TACC1: variants seen among roughly 807,000 people sequenced by gnomAD.
TACC1 encodes transforming acidic coiled-coil containing protein 1.
TACC1 carries 48 observed loss-of-function variants against 84.4 expected under a neutral mutation model. The observed-to-expected ratio is 0.57, with a 90% confidence interval of 0.45 to 0.72. The LOEUF (loss-of-function observed/expected upper bound fraction) is 0.72, where lower values mean the gene tolerates loss of function less well. Ranked by LOEUF, TACC1 falls within the 30% of genes least tolerant of loss-of-function variation. The pLI is 0.00. For synonymous variants in TACC1, 372 were observed against 376.3 expected, an observed-to-expected ratio of 0.99 and a Z score of 0.13; for missense variants, 920 against 973.0, an observed-to-expected ratio of 0.95 and a Z score of 0.72.
intron 2 of TACC1, among the ~76,000 whole-genome samples, chr8:38,809,689 T>C (rs1268459729): frequency 1.3e-5 from 2 of 152,044 alleles, no homozygotes; most frequent in Non-Finnish European, 2.9e-5. Flanking sequence ...ACTCCTTTCT[T>C]TGGGGGCTGT....
At chr8:38,841,566 C>T (rs1831277000) in intron 9 of TACC1, among the ~76,000 whole-genome samples, 2 of 152,114 alleles carry the variant, frequency 1.3e-5, no homozygotes, top group Admixed American at 1.3e-4. Context: ...TTTAGGATTA[C>T]AAATAAATTT....
At chr8:38,761,870 T>C (rs891501107) in intron 3 of TACC1, among the ~76,000 whole-genome samples, 9 of 152,192 alleles carry the variant, frequency 5.9e-5, no homozygotes, top group African/African-American at 1.9e-4. Context: ...AAAAGAATTA[T>C]AGTATTTAAC....
At chr8:38,787,847 C>T (rs2151984091) in intron 1 of TACC1, 104 bp downstream of exon 1, 1 of 1,149,200 alleles carries the variant, frequency 8.7e-7, no homozygotes, top group South Asian at 1.7e-5. Context: ...AAACCGTCCT[C>T]ACGGCCGTGC....
intron 3 of TACC1, among the ~76,000 whole-genome samples, chr8:38,766,310 C>G (rs968736850): frequency 5.9e-5 from 9 of 152,162 alleles, no homozygotes; most frequent in Non-Finnish European, 1.2e-4. Context: ...TCTTATATGT[C>G]TGCTACATAT....
At chr8:38,819,402 G>A in intron 2 of TACC1, 120 bp from the exon 3 acceptor site, 1 of 1,160,944 alleles carries the variant, frequency 8.6e-7, no homozygotes, top group South Asian at 1.7e-5. Context: ...GAACTTTAGA[G>A]ATGCTTAATA....
At chr8:38,802,136 C>T (rs569807862) in intron 2 of TACC1, 3 of 152,282 alleles carry the variant, frequency 2.0e-5, no homozygotes, top group Non-Finnish European at 4.4e-5. Context: ...TTTCCAACTC[C>T]TGAGCTTAAG....
intron 3 of TACC1, among the ~76,000 whole-genome samples, chr8:38,821,210 A>AG (rs1826725800): frequency 1.3e-5 from 2 of 152,282 alleles, no homozygotes; most frequent in Middle Eastern, 6.8e-3. Context: ...CTCAAAAAAA[A>AG]AAAAAGAATG....
chr8:38,738,549 T>C (rs1303652446), intron 1 of TACC1, among the ~76,000 whole-genome samples: 2 of 152,222 alleles, frequency 1.3e-5, no homozygotes, highest in African/African-American at 2.4e-5. Context: ...GATTTATTAA[T>C]CTTGTTGCTC....
rs767913439 is a variant in TACC1, at chr8:38,836,190, C to T, written c.1742C>T (p.Ala581Val). 27 of 1,613,156 alleles carry T rather than the reference C, an allele frequency of 1.7e-5. No homozygotes were observed. In the Admixed American group the frequency reaches 2.3e-4, roughly 14 times the overall value. ...CTGCTGGAGTCCTCTGCAGAGAAGG[C>T]CCCTGTGTCGGTGTCCTGTGGAGGT... ...LGLLESSAEK[A>V]PVSVSCGGES... Residue 581 changes from alanine to valine, a missense_variant, in exon 7 of 13, where the codon GCC (alanine) becomes GTC (valine). This residue lies in a region of TACC1 where 762 missense variants were observed against 747.3 expected (regional missense o/e 1.02). Coordinates refer to ENST00000317827, the MANE Select transcript of TACC1 (RefSeq NM_006283.3).
At chr8:38,816,476 C>T (rs1035033459) in intron 2 of TACC1, among the ~76,000 whole-genome samples, 6 of 152,174 alleles carry the variant, frequency 3.9e-5, no homozygotes, top group Non-Finnish European at 8.8e-5. Flanking sequence ...GTCTCAGTCC[C>T]ACGAGACTGC....
intron 1 of TACC1, among the ~76,000 whole-genome samples, chr8:38,728,882 C>G (rs1272219819): frequency 6.6e-6 from 1 of 152,168 alleles, no homozygotes; most frequent in Non-Finnish European, 1.5e-5. Context: ...TCTCTGGAAC[C>G]ACGTATTTTG....
At chr8:38,840,396 C>T in intron 9 of TACC1, 129 bp downstream of exon 9, 1 of 789,338 alleles carries the variant, frequency 1.3e-6, no homozygotes, top group Non-Finnish European at 2.0e-6. Flanking sequence ...GCTCTGGAGA[C>T]AGGAGAGTTC....
chr8:38,846,615 C>G (rs1431812609), intron 11 of TACC1, 84 bp from the exon 12 acceptor site: 2 of 1,522,836 alleles, frequency 1.3e-6, no homozygotes, highest in Non-Finnish European at 1.8e-6. Context: ...TCACAGATGT[C>G]AGTGGTTAGT....
chr8:38,734,704 C>T (rs1391877602), intron 1 of TACC1, among the ~76,000 whole-genome samples: 2 of 152,262 alleles, frequency 1.3e-5, no homozygotes, highest in Admixed American at 6.5e-5. Flanking sequence ...TGCTGGCAGC[C>T]GAGGCTTTGC....
At chr8:38,813,271 C>G (rs1824653087) in intron 2 of TACC1, among the ~76,000 whole-genome samples, 1 of 152,288 alleles carries the variant, frequency 6.6e-6, no homozygotes, top group Non-Finnish European at 1.5e-5. Context: ...TAACTGAATT[C>G]ACAATCTCAG....
chr8:38,763,641 T>G (rs1225120468), intron 3 of TACC1, among the ~76,000 whole-genome samples: 1 of 152,222 alleles, frequency 6.6e-6, no homozygotes, highest in Non-Finnish European at 1.5e-5. Flanking sequence ...TTTTTTATAG[T>G]CTCTTTTTGT....
chr8:38,833,055 C>T (rs1383320637), intron 6 of TACC1, among the ~76,000 whole-genome samples: 1 of 152,160 alleles, frequency 6.6e-6, no homozygotes, highest in Non-Finnish European at 1.5e-5. Context: ...ATTGATTTAG[C>T]GTCTTCATTA....
In TACC1 at chr8:38,848,013, A is replaced by T. The variant is rs759919246; in HGVS notation, c.2408A>T (p.Lys803Met). The T allele has an allele frequency of 6.2e-7, 1 of 1,613,660 alleles. No homozygotes were observed. Among genetic ancestry groups the T allele is most frequent in the African/African-American group, 1.3e-5 (1 of 74,920 alleles). The change falls in exon 13 of 13, where the codon AAG (lysine) becomes ATG (methionine). Residue 803 changes from lysine (K) to methionine (M), a missense_variant. This residue lies in a region of TACC1 where 158 missense variants were observed against 225.6 expected (regional missense o/e 0.70). Coordinates refer to ENST00000317827, the MANE Select transcript of TACC1 (RefSeq NM_006283.3). ...ICDELIAKLG[K>M]TD ...GATGAGCTGATTGCAAAGCTGGGAA[A>T]GACTGACTGAGACACTCCCCCTGTT...
chr8:38,745,769 C>G (rs1183772173), intron 3 of TACC1, among the ~76,000 whole-genome samples: 1 of 152,140 alleles, frequency 6.6e-6, no homozygotes, highest in East Asian at 1.9e-4. Context: ...GTCTTAAACT[C>G]CTGACCTCAG....
Sources: allele counts gnomAD v4.1 joint callset (sites outside exome capture counted in the v4.1 genomes callset), GRCh38; gene constraint gnomAD v4.1.1; regional missense constraint gnomAD v4.1.1; transcripts MANE v1.5; gene names NCBI Gene and HGNC (gene_info 2026-07-23, HGNC 2026-07-21).